The following ARID4B variants were observed in gnomAD, a reference collection of about 807,000 sequenced individuals.
The protein encoded by ARID4B is AT-rich interaction domain 4B.
Under a neutral mutation model 147.5 loss-of-function variants are expected in ARID4B, and 26 were observed. That is an observed-to-expected ratio of 0.18 (90% CI 0.13 to 0.24). The LOEUF is 0.24. ARID4B is among the 10% of genes least tolerant of loss of function. The probability of loss-of-function intolerance (pLI) is 1.00; values close to 1 mark genes in which losing one functional copy is unlikely to be tolerated. For missense variants in ARID4B, 1,179 were observed against 1,511.5 expected (o/e 0.78, Z 3.65); for synonymous variants, 512 against 507.9 (o/e 1.01, Z -0.11).
intron 7 of ARID4B, among the ~76,000 whole-genome samples, chr1:235,246,185 A>T (rs370490238): frequency 6.6e-5 from 10 of 152,214 alleles, no homozygotes; most frequent in Admixed American, 4.6e-4. Context: ...TTTTGACTAC[A>T]GCATCAAGAT....
At chr1:235,246,891 T>G (rs1176387887) in intron 6 of ARID4B, among the ~76,000 whole-genome samples, 1 of 152,094 alleles carries the variant, frequency 6.6e-6, no homozygotes, top group Non-Finnish European at 1.5e-5. Context: ...AATATTAATT[T>G]GTACATGGGG....
At chr1:235,226,267 A>T (rs1426372620) in intron 11 of ARID4B, among the ~76,000 whole-genome samples, 5 of 152,246 alleles carry the variant, frequency 3.3e-5, no homozygotes, top group Non-Finnish European at 7.3e-5. Context: ...CAGCATTCCT[A>T]ACTTTAAGGA....
intron 2 of ARID4B, among the ~76,000 whole-genome samples, chr1:235,264,991 C>T (rs1043892111): frequency 7.0e-5 from 10 of 142,832 alleles, no homozygotes; most frequent in African/African-American, 5.3e-5. Flanking sequence ...TCTCAGGAGG[C>T]GGAGGTTGCA....
At chr1:235,245,264 C>G (rs1175519997) in intron 7 of ARID4B, among the ~76,000 whole-genome samples, 2 of 152,122 alleles carry the variant, frequency 1.3e-5, no homozygotes, top group Admixed American at 1.3e-4. Context: ...GTGCTTTATT[C>G]TCATATTCAC....
intron 8 of ARID4B, among the ~76,000 whole-genome samples, chr1:235,234,907 T>C (rs563816664): frequency 6.6e-6 from 1 of 152,206 alleles, no homozygotes; most frequent in African/African-American, 2.4e-5. Flanking sequence ...CTAACATCTT[T>C]GTTGAAAGAA....
At chr1:235,255,259 A>C (rs1205720332) in intron 5 of ARID4B, among the ~76,000 whole-genome samples, 10 of 91,642 alleles carry the variant, frequency 1.1e-4, no homozygotes, top group Admixed American at 2.6e-4. Context: ...AGATAGATAG[A>C]TAGATATATA....
intron 19 of ARID4B, among the ~76,000 whole-genome samples, chr1:235,193,361 T>TACTCCAACCTAGG (rs1194350298): frequency 6.6e-6 from 1 of 152,164 alleles, no homozygotes; most frequent in African/African-American, 2.4e-5. Context: ...TGCACCACTG[T>TACTCCAACCTAGG]ACTCCAACCT....
intron 17 of ARID4B, among the ~76,000 whole-genome samples, chr1:235,203,286 C>A (rs1045634782): frequency 1.3e-5 from 2 of 152,132 alleles, no homozygotes; most frequent in African/African-American, 4.8e-5. Context: ...TGGAAAAGAA[C>A]ATTAGTCGAC....
chr1:235,181,582 C>T lies in ARID4B; in HGVS notation c.3334+3G>A. 6.2e-7 allele frequency: 1 copy of T among 1,609,740 alleles called. No individual in the cohort carries two copies. The highest frequency in any genetic ancestry group is 8.5e-7 in the Non-Finnish European group (1 of 1,179,248). ...AAGTCAACATACACATTTTCCTTCT[C>T]ACCTTTTTCAGGATGTTCTGGTTCT... On this transcript the variant is annotated splice_donor_region_variant and intron_variant, in intron 20 of 23. Transcript: ENST00000264183.
chr1:235,210,598 A>T (rs1006210936), intron 17 of ARID4B, among the ~76,000 whole-genome samples: 8 of 152,202 alleles, frequency 5.3e-5, no homozygotes, highest in African/African-American at 1.9e-4. Context: ...AAGAAGATTA[A>T]CTGCTTAATC....
At chr1:235,234,068 G>A (rs916660357) in intron 9 of ARID4B, among the ~76,000 whole-genome samples, 1 of 152,124 alleles carries the variant, frequency 6.6e-6, no homozygotes, top group African/African-American at 2.4e-5. Context: ...GACAGAGTGA[G>A]ACTCCGTCTC....
chr1:235,239,769 T>C (rs1475015487), intron 8 of ARID4B, among the ~76,000 whole-genome samples: 2 of 152,098 alleles, frequency 1.3e-5, no homozygotes, highest in Non-Finnish European at 2.9e-5. Context: ...ATGCAAAATA[T>C]TCAACCTGGA....
At chr1:235,232,505 C>G (rs566256287) in intron 9 of ARID4B, among the ~76,000 whole-genome samples, 1 of 151,288 alleles carries the variant, frequency 6.6e-6, no homozygotes, top group South Asian at 2.1e-4. Flanking sequence ...ACTTTGGGGG[C>G]CAAAGTGGGC....
rs535743019 is a variant in ARID4B, at chr1:235,301,945, G to C, written c.6+24969C>G. ...TGACCTCAGGTGATCCGCCCACCTC[G>C]GCCTCCCAAAGTGCTAGGATTACAG... is the stretch of plus-strand genomic sequence containing the variant. On this transcript the variant is annotated intron_variant, in intron 2 of 23. Transcript: ENST00000264183. Among the ~76,000 whole-genome samples, 3 of 151,188 alleles carry C rather than the reference G, an allele frequency of 2.0e-5. No individual in the cohort carries two copies. The South Asian group carries it at 6.3e-4, about 32-fold the overall frequency.
chr1:235,270,025 T>C (rs1384879287), intron 2 of ARID4B, among the ~76,000 whole-genome samples: 1 of 152,210 alleles, frequency 6.6e-6, no homozygotes, highest in Non-Finnish European at 1.5e-5. Flanking sequence ...GCCTCACGCC[T>C]GTAATCCAAG....
chr1:235,307,527 G>T (rs1213023942), intron 2 of ARID4B, among the ~76,000 whole-genome samples: 1 of 152,110 alleles, frequency 6.6e-6, no homozygotes, highest in East Asian at 1.9e-4. Context: ...TTTAAGAGAA[G>T]GTTGACTGTT....
At chr1:235,193,379 A>G (rs183650824) in intron 19 of ARID4B, among the ~76,000 whole-genome samples, 1 of 152,352 alleles carries the variant, frequency 6.6e-6, no homozygotes, top group Non-Finnish European at 1.5e-5. Flanking sequence ...CCTAGGCTAC[A>G]GAGTGAGACC....
chr1:235,214,429 T>A (rs1666919457), intron 16 of ARID4B, among the ~76,000 whole-genome samples: 1 of 152,208 alleles, frequency 6.6e-6, no homozygotes, highest in South Asian at 2.1e-4. Context: ...AAATTATTTT[T>A]CATTCAAATA....
At chr1:235,232,291 A>G (rs755573589) in intron 9 of ARID4B, among the ~76,000 whole-genome samples, 12 of 151,038 alleles carry the variant, frequency 7.9e-5, no homozygotes, top group Non-Finnish European at 1.3e-4. Context: ...GTGGTGGTGC[A>G]TGCCTGTAGT....
Sources: allele counts gnomAD v4.1 joint callset (sites outside exome capture counted in the v4.1 genomes callset), GRCh38; gene constraint gnomAD v4.1.1; transcripts MANE v1.5; gene names NCBI Gene and HGNC (gene_info 2026-07-23, HGNC 2026-07-21).